COL11A1: variants seen among roughly 807,000 people sequenced by gnomAD.
The protein encoded by COL11A1 is collagen type XI alpha 1 chain.
Under a neutral mutation model 265.2 loss-of-function variants are expected in COL11A1, and 74 were observed. The ratio of observed to expected loss-of-function variants is 0.28; its 90% CI spans 0.23 to 0.34. COL11A1 has a LOEUF of 0.34. Ranked by LOEUF, COL11A1 falls within the 10% of genes least tolerant of loss-of-function variation. The pLI, the probability that COL11A1 is intolerant of heterozygous loss-of-function variation, is 1.00. For missense variants in COL11A1, 2,165 were observed against 2,263.6 expected (o/e 0.96, Z 0.88); for synonymous variants, 816 against 727.6 (o/e 1.12, Z -1.96).
chr1:103,076,532 T>A (rs1671988156), intron 3 of COL11A1, among the ~76,000 whole-genome samples: 1 of 152,114 alleles, frequency 6.6e-6, no homozygotes. Flanking sequence ...AGGCTGCCTC[T>A]TTTTTGCCCC....
intron 26 of COL11A1, 126 bp from the exon 27 acceptor site, chr1:102,996,168 CT>C (rs1664607133): frequency 3.2e-6 from 3 of 929,952 alleles, no homozygotes; most frequent in African/African-American, 3.3e-5. Flanking sequence ...TTGATAAAGA[CT>C]TTTTGGTAGT....
chr1:102,906,763 T>C (rs1157836153), intron 54 of COL11A1, among the ~76,000 whole-genome samples: 2 of 152,042 alleles, frequency 1.3e-5, no homozygotes, highest in Admixed American at 1.3e-4. Context: ...TATTTGTTTA[T>C]GTTGAGGTAG....
rs12136577 is a variant in COL11A1 at position 103,003,211 on chromosome 1, A to T, written c.1998+4T>A. 0.13 allele frequency: 209,226 copies of T among 1,612,950 alleles called. 14,793 individuals are homozygous for T. Among genetic ancestry groups the T allele is most frequent in the Admixed American group, 0.17 (10,060 of 59,880 alleles). Reference sequence around the variant, plus strand: ...AAATCTTCAATGTTTCCAGCAATACATACAGGCTGCCCTGGAGCTCCTGGA... The same window carrying T: ...AAATCTTCAATGTTTCCAGCAATACTTACAGGCTGCCCTGGAGCTCCTGGA... On this transcript the variant is annotated splice_donor_region_variant and intron_variant, in intron 21 of 66. Coordinates refer to ENST00000370096, the MANE Select transcript of COL11A1 (RefSeq NM_001854.4).
chr1:102,987,201 T>C (rs567263593), intron 30 of COL11A1, among the ~76,000 whole-genome samples: 31 of 152,000 alleles, frequency 2.0e-4, no homozygotes, highest in Non-Finnish European at 3.4e-4. Context: ...CTTAGGAGTA[T>C]TTAATAGGAA....
intron 7 of COL11A1, among the ~76,000 whole-genome samples, chr1:103,023,421 A>C (rs921453340): frequency 2.7e-5 from 4 of 149,308 alleles, no homozygotes; most frequent in South Asian, 4.2e-4. Context: ...GCAAGGGCGC[A>C]ATCTTGGTTC....
At chr1:102,950,170 T>C (rs1254412911) in intron 41 of COL11A1, among the ~76,000 whole-genome samples, 1 of 152,050 alleles carries the variant, frequency 6.6e-6, no homozygotes, top group Non-Finnish European at 1.5e-5. Flanking sequence ...CATGCACCTA[T>C]AGTCAGCTAC....
At chr1:102,993,429 C>T (rs1486416717) in intron 28 of COL11A1, among the ~76,000 whole-genome samples, 1 of 152,152 alleles carries the variant, frequency 6.6e-6, no homozygotes, top group Non-Finnish European at 1.5e-5. Flanking sequence ...AGCCTACCCA[C>T]ATCCTTCTCC....
At chr1:102,905,389 A>T (rs1233463929) in intron 54 of COL11A1, among the ~76,000 whole-genome samples, 1 of 150,732 alleles carries the variant, frequency 6.6e-6, no homozygotes, top group Non-Finnish European at 1.5e-5. Flanking sequence ...TAAAATAAAA[A>T]TTAAAAAAAA....
intron 1 of COL11A1, among the ~76,000 whole-genome samples, chr1:103,086,413 G>T (rs1672862150): frequency 6.6e-6 from 1 of 151,912 alleles, no homozygotes; most frequent in South Asian, 2.1e-4. Flanking sequence ...TATCTATTTT[G>T]TTTGTTTGTT....
chr1:103,078,919 T>C (rs1461049261), intron 2 of COL11A1, 48 bp from the exon 3 acceptor site: 1 of 1,335,604 alleles, frequency 7.5e-7, no homozygotes, highest in Non-Finnish European at 1.1e-6. Context: ...TTCCAATTTC[T>C]ACTTTATTCC....
intron 14 of COL11A1, 28 bp from the exon 15 acceptor site, chr1:103,008,544 C>T (rs1047757357): frequency 6.3e-7 from 1 of 1,598,638 alleles, no homozygotes; most frequent in Non-Finnish European, 8.6e-7. Flanking sequence ...AGATATTTCA[C>T]TTAATTTAGC....
At chr1:103,040,291 T>C (rs970370148) in intron 4 of COL11A1, among the ~76,000 whole-genome samples, 3 of 151,234 alleles carry the variant, frequency 2.0e-5, no homozygotes, top group Non-Finnish European at 4.4e-5. Context: ...ATATTATATA[T>C]AGACAGAGTT....
rs755132111 is a variant in COL11A1, at chr1:103,018,795, A to T, written c.1350+23T>A. 4 of 1,596,018 alleles carry T rather than the reference A, an allele frequency of 2.5e-6. No individual in the cohort carries two copies. In the Admixed American group the frequency reaches 6.7e-5, roughly 27 times the overall value. ...ATATGATTACTTTAAATAGACAAAA[A>T]TAATCTTAAAACATTTACATACTGC... On this transcript the variant is annotated intron_variant, in intron 10 of 66. Transcript: ENST00000370096.
intron 4 of COL11A1, among the ~76,000 whole-genome samples, chr1:103,073,820 G>T (rs1412634399): frequency 6.6e-6 from 1 of 151,684 alleles, no homozygotes; most frequent in East Asian, 1.9e-4. Flanking sequence ...ACACATCTGT[G>T]TATGTATAGT....
At chr1:102,927,006 C>A (rs1282594692) in intron 46 of COL11A1, among the ~76,000 whole-genome samples, 2 of 151,998 alleles carry the variant, frequency 1.3e-5, no homozygotes, top group Admixed American at 6.5e-5. Flanking sequence ...AATAAAAAAT[C>A]TTGTTATCTG....
chr1:102,986,256 C>A (rs562250494), intron 30 of COL11A1, among the ~76,000 whole-genome samples: 1 of 151,950 alleles, frequency 6.6e-6, no homozygotes, highest in South Asian at 2.1e-4. Flanking sequence ...AGTTCATGTC[C>A]TTTGTAGGGA....
Position 102,898,170 on chromosome 1 carries a change from T to G in COL11A1, c.4257A>C (p.Gln1419His). ...CTTGGCCTGCAGCTCCAGGGAGACC[T>G]TGTTCTCCCTAGAGAAAATAAAAAT... ...LRGIPGPVGEQGLPGAAGQDG... is the reference protein window; with the variant it reads ...LRGIPGPVGEHGLPGAAGQDG... The change falls in exon 57 of 67, where the codon CAA (glutamine) becomes CAC (histidine). Residue 1419 changes from glutamine to histidine, a missense_variant. By Grantham distance (24) the Gln-to-His change is conservative. Transcript: ENST00000370096. The G allele has an allele frequency of 7.0e-7, 1 of 1,429,498 alleles. No individual in the cohort carries two copies. Among genetic ancestry groups the G allele is most frequent in the Non-Finnish European group, 9.3e-7 (1 of 1,076,382 alleles). The allele number at this position is 1,429,498 out of a possible 1,614,324, so 88.6% of individuals were successfully genotyped here. A position where few individuals can be genotyped will look rare whatever the true frequency, so the allele number is the denominator to read the frequency against.
intron 4 of COL11A1, among the ~76,000 whole-genome samples, chr1:103,036,834 G>T: frequency 6.6e-6 from 1 of 152,056 alleles, no homozygotes; most frequent in African/African-American, 2.4e-5. Context: ...ACAAAACCAA[G>T]ATTAAGGTAC....
intron 18 of COL11A1, 25 bp downstream of exon 18, chr1:103,005,813 A>G (rs759185886): frequency 3.1e-6 from 5 of 1,604,588 alleles, no homozygotes; most frequent in East Asian, 2.2e-5. Context: ...CATTCCCTGG[A>G]AAAAAAGGAA....
Sources: gnomAD v4.1 joint callset for allele counts (sites outside exome capture counted in the v4.1 genomes callset) on GRCh38, gnomAD v4.1.1 for gene constraint, MANE v1.5 for transcripts, NCBI Gene and HGNC (gene_info 2026-07-23, HGNC 2026-07-21) for gene names.